Variants in ZSCAN5B observed in about 807,000 individuals in gnomAD.
The protein encoded by ZSCAN5B is zinc finger and SCAN domain containing 5B.
Under a neutral mutation model 25.2 loss-of-function variants are expected in ZSCAN5B, and 26 were observed. The ratio of observed to expected loss-of-function variants is 1.03; its 90% CI spans 0.76 to 1.43. ZSCAN5B has a LOEUF of 1.43. ZSCAN5B is among the 40% of genes most tolerant of loss of function. The probability of loss-of-function intolerance (pLI) is 0.00; values close to 1 mark genes in which losing one functional copy is unlikely to be tolerated. For missense variants in ZSCAN5B, 745 were observed against 622.1 expected, an observed-to-expected ratio of 1.20 and a Z score of -2.10; for synonymous variants, 244 against 240.9, an observed-to-expected ratio of 1.01 and a Z score of -0.12.
At chr19:56,195,321 C>T (rs1206501749) in intron 1 of ZSCAN5B, among the ~76,000 whole-genome samples, 1 of 152,198 alleles carries the variant, frequency 6.6e-6, no homozygotes, top group Non-Finnish European at 1.5e-5. Context: ...ACTAGAAGGG[C>T]TTAAGGCGCC....
At chr19:56,191,278 C>T (rs531496852) in intron 3 of ZSCAN5B, among the ~76,000 whole-genome samples, 2 of 152,184 alleles carry the variant, frequency 1.3e-5, no homozygotes, top group African/African-American at 2.4e-5. Flanking sequence ...TAGGTGGAGG[C>T]CCCTAACCCC....
Position 56,191,810 on chromosome 19 carries a change from C to T in ZSCAN5B, c.588+40G>A, listed in dbSNP as rs781733750. On this transcript the variant is annotated intron_variant, in intron 3 of 4. Coordinates refer to ENST00000586855, the Ensembl canonical transcript of ZSCAN5B. ...GCCACACGATTTCCTCCTGTTCCTT[C>T]TCCCACCTCTGCCCAGACACCAAGG... The T allele has an allele frequency of 3.0e-5, 48 of 1,600,330 alleles. No homozygotes were observed. In the Admixed American group the frequency reaches 8.1e-4, roughly 27 times the overall value.
At chr19:56,194,712 G>A (rs1242606065) in intron 1 of ZSCAN5B, among the ~76,000 whole-genome samples, 1 of 152,062 alleles carries the variant, frequency 6.6e-6, no homozygotes, top group African/African-American at 2.4e-5. Flanking sequence ...CTGCTGCCCA[G>A]GTTCATATGG....
rs2032744475 is a variant in ZSCAN5B, at chr19:56,192,056, G to A, written c.385-3C>T. 1 of 1,608,414 alleles carries A rather than the reference G, an allele frequency of 6.2e-7. No individual in the cohort carries two copies. Among genetic ancestry groups the A allele is most frequent in the Non-Finnish European group, 8.5e-7 (1 of 1,177,518 alleles). ...TTGCCGAGCAAGTTGACTATAGACT[G>A]TAGAGAGAAAAAAGACAATCAGACA... On this transcript the variant is annotated splice_polypyrimidine_tract_variant and splice_region_variant and intron_variant, in intron 2 of 4. Coordinates refer to ENST00000586855, the Ensembl canonical transcript of ZSCAN5B.
intron 3 of ZSCAN5B, among the ~76,000 whole-genome samples, 158 bp from the exon 4 acceptor site, chr19:56,191,145 T>G (rs979924181): frequency 3.3e-5 from 5 of 152,172 alleles, no homozygotes; most frequent in African/African-American, 4.8e-5. Flanking sequence ...GTCCCTAATC[T>G]GCACCCTCCA....
At chr19:56,190,598 A>G in intron 4 of ZSCAN5B, 23 bp from the exon 5 acceptor site, 1 of 1,603,844 alleles carries the variant, frequency 6.2e-7, no homozygotes, top group South Asian at 1.1e-5. Flanking sequence ...GGGATTCCAC[A>G]CACAACAGTT....
exon 5 of ZSCAN5B, chr19:56,189,716 A>T: frequency 7.7e-7 from 1 of 1,304,026 alleles, no homozygotes. Flanking sequence ...TTATTCAAAC[A>T]TCCGGGCAAT....
chr19:56,191,956 A>T (rs780900122), exon 3 of ZSCAN5B: 1 of 1,613,916 alleles, frequency 6.2e-7, no homozygotes. Context: ...CTGGCTGGAC[A>T]CGTCTCTCGG....
chr19:56,194,934 A>T (rs2032790080), intron 1 of ZSCAN5B, among the ~76,000 whole-genome samples: 1 of 152,156 alleles, frequency 6.6e-6, no homozygotes, highest in Non-Finnish European at 1.5e-5. Flanking sequence ...TTTGGTTCTA[A>T]ACATAGCTTC....
Position 56,190,577 on chromosome 19 carries a change from T to A in ZSCAN5B, c.740-2A>T. ...TCCCCTCCTTTGCTCTCACCAGATCTGGTGGAAGAAGGGATTCCACACACA... is the reference window on the plus strand; with the variant it reads ...TCCCCTCCTTTGCTCTCACCAGATCAGGTGGAAGAAGGGATTCCACACACA... On this transcript the variant is annotated splice_acceptor_variant, in intron 4 of 4. Coordinates refer to ENST00000586855, the Ensembl canonical transcript of ZSCAN5B. LOFTEE classifies it high-confidence loss of function. 1 of 1,609,416 alleles carries A rather than the reference T, an allele frequency of 6.2e-7. No individual in the cohort carries two copies. Among genetic ancestry groups the A allele is most frequent in the Non-Finnish European group, 8.5e-7 (1 of 1,179,046 alleles).
chr19:56,192,572 T>A, intron 2 of ZSCAN5B, 97 bp downstream of exon 2: 4 of 1,519,756 alleles, frequency 2.6e-6, no homozygotes, highest in Non-Finnish European at 3.5e-6. Context: ...AGGTCAGGTA[T>A]TTGCAATATT....
At chr19:56,192,860 G>C in exon 2 of ZSCAN5B, 1 of 1,614,014 alleles carries the variant, frequency 6.2e-7, no homozygotes, top group Non-Finnish European at 8.5e-7. Context: ...AGCTCAGTGA[G>C]TTTCCTCAGA....
chr19:56,196,698 C>T (rs2032814825), intron 1 of ZSCAN5B, among the ~76,000 whole-genome samples: 1 of 152,202 alleles, frequency 6.6e-6, no homozygotes, highest in Admixed American at 6.5e-5. Context: ...ATCACTTCAG[C>T]CCAGCAGTGA....
rs1310300780 is a variant in ZSCAN5B, at chr19:56,191,835, G to C, written c.588+15C>G. On this transcript the variant is annotated intron_variant, in intron 3 of 4. Transcript: ENST00000586855. ...CTCCCACCTCTGCCCAGACACCAAG[G>C]CCTCACACACTCACCTGCCTCCTGG... 3.7e-6 allele frequency: 6 copies of C among 1,612,194 alleles called. No homozygotes were observed. Among genetic ancestry groups the C allele is most frequent in the Non-Finnish European group, 5.1e-6 (6 of 1,178,864 alleles).
In ZSCAN5B at chr19:56,192,653, C is replaced by T. The variant is rs377452033; in HGVS notation, c.384+16G>A. ...CAGCTCCCCTTCCCTGCACCAATCA[C>T]GAGGTTCCCACTCACCCATTTCTTG... On this transcript the variant is annotated intron_variant, in intron 2 of 4. Transcript: ENST00000586855. The T allele has an allele frequency of 3.8e-6, 6 of 1,591,538 alleles. No individual in the cohort carries two copies. Among genetic ancestry groups the T allele is most frequent in the Admixed American group, 3.4e-5 (2 of 58,978 alleles).
chr19:56,191,950 C>G (rs772250951), exon 3 of ZSCAN5B: 1 of 1,614,048 alleles, frequency 6.2e-7, no homozygotes, highest in Non-Finnish European at 8.5e-7. Flanking sequence ...GGCCCACTGG[C>G]TGGACACGTC....
At chr19:56,193,441 T>A (rs1326247944) in intron 1 of ZSCAN5B, among the ~76,000 whole-genome samples, 1 of 152,232 alleles carries the variant, frequency 6.6e-6, no homozygotes, top group Non-Finnish European at 1.5e-5. Context: ...TGCTCTTGAC[T>A]GTAAATTAAA....
exon 5 of ZSCAN5B, chr19:56,190,196 G>A (rs770128982): frequency 3.1e-6 from 5 of 1,613,964 alleles, no homozygotes; most frequent in East Asian, 2.2e-5. Context: ...GTGACCTCCT[G>A]TGGATGCTTA....
At chr19:56,189,760 G>A in exon 5 of ZSCAN5B, 1 of 1,526,382 alleles carries the variant, frequency 6.6e-7, no homozygotes, top group Non-Finnish European at 8.8e-7. Context: ...TATGTCATCT[G>A]GTAACATTGG....
Sources: allele counts gnomAD v4.1 joint callset (sites outside exome capture counted in the v4.1 genomes callset), GRCh38; gene constraint gnomAD v4.1.1; transcripts MANE v1.5; gene names NCBI Gene and HGNC (gene_info 2026-07-23, HGNC 2026-07-21).